PPM1L: variants seen among roughly 807,000 people sequenced by gnomAD.
The protein encoded by PPM1L is protein phosphatase, Mg2+/Mn2+ dependent 1L.
A neutral mutation model predicts 31.4 loss-of-function variants in PPM1L; 13 were observed. That is an observed-to-expected ratio of 0.41 (90% confidence interval 0.27 to 0.66). The LOEUF (loss-of-function observed/expected upper bound fraction) is 0.66. PPM1L is among the 30% of genes least tolerant of loss of function. The probability of loss-of-function intolerance (pLI) is 0.29; values close to 1 mark genes in which losing one functional copy is unlikely to be tolerated. For missense variants in PPM1L, 326 were observed against 453.7 expected (o/e 0.72, Z 2.56); for synonymous variants, 184 against 175.4 (o/e 1.05, Z -0.39).
intron 1 of PPM1L, among the ~76,000 whole-genome samples, chr3:160,837,862 A>G (rs756967350): frequency 1.3e-5 from 2 of 152,170 alleles, no homozygotes; most frequent in South Asian, 2.1e-4. Context: ...ACTTGGTTTA[A>G]TGCTCTGCTG....
Position 161,072,656 on chromosome 3 carries a change from T to TTGAG in PPM1L, c.*3501_*3504dup, listed in dbSNP as rs1719965949. 6.6e-6 allele frequency: 1 copy of TTGAG among 152,224 alleles called. No individual in the cohort carries two copies. Among genetic ancestry groups the TTGAG allele is most frequent in the Admixed American group, 6.5e-5 (1 of 15,286 alleles). 9.4% of individuals were successfully genotyped at this position (152,224 alleles called of 1,614,324 possible). Reference sequence around the variant, plus strand: ...GTTTAATTTGACCACAGAAACTTTTTTGAGTAGCACCTAGTAACATTGCAA... The same window carrying TTGAG: ...GTTTAATTTGACCACAGAAACTTTTTTGAGTGAGTAGCACCTAGTAACATTGCAA... On this transcript the variant is annotated 3_prime_UTR_variant, in exon 4 of 4. Transcript: ENST00000498165.
chr3:160,920,034 T>A (rs1714333740), intron 1 of PPM1L, among the ~76,000 whole-genome samples: 1 of 152,110 alleles, frequency 6.6e-6, no homozygotes, highest in Non-Finnish European at 1.5e-5. Flanking sequence ...CATGGGCAGA[T>A]GTCTGGTCCT....
intron 2 of PPM1L, among the ~76,000 whole-genome samples, chr3:161,029,959 T>C (rs1405456782): frequency 6.6e-6 from 1 of 152,104 alleles, no homozygotes; most frequent in East Asian, 1.9e-4. Flanking sequence ...TCAGCAACCA[T>C]GAAGAAAAGA....
At chr3:160,902,809 T>G (rs372080983) in intron 1 of PPM1L, among the ~76,000 whole-genome samples, 4 of 152,274 alleles carry the variant, frequency 2.6e-5, no homozygotes, top group African/African-American at 9.6e-5. Context: ...GTTGTGGACA[T>G]GCCTTTCTAC....
intron 1 of PPM1L, among the ~76,000 whole-genome samples, chr3:160,905,186 C>T (rs1020392574): frequency 4.6e-5 from 7 of 152,068 alleles, no homozygotes; most frequent in Admixed American, 1.3e-4. Flanking sequence ...CTTTATTATA[C>T]GAAATTTATT....
chr3:161,013,214 G>A (rs1364872448), intron 2 of PPM1L, among the ~76,000 whole-genome samples: 3 of 152,114 alleles, frequency 2.0e-5, no homozygotes, highest in African/African-American at 4.8e-5. Flanking sequence ...AGAGATTCTG[G>A]TATGTTGTGT....
intron 1 of PPM1L, among the ~76,000 whole-genome samples, chr3:160,757,764 C>T (rs1714853360): frequency 6.6e-6 from 1 of 152,222 alleles, no homozygotes; most frequent in African/African-American, 2.4e-5. Context: ...TTCTTAACCC[C>T]TTCCTGTTTT....
chr3:160,827,831 ACAGTTC>A lies in PPM1L; in HGVS notation c.399+71125_399+71130del, dbSNP rs554986683. ...ATAAAGAAAGAGGTTTAATTGGCTTACAGTTCTACAGGCTGTATAAGCATGGCACTG... is the reference window on the plus strand; with the variant it reads ...ATAAAGAAAGAGGTTTAATTGGCTTATACAGGCTGTATAAGCATGGCACTG... On this transcript the variant is annotated intron_variant, in intron 1 of 3. Transcript: ENST00000498165. 3.4e-3 allele frequency among the ~76,000 whole-genome samples: 519 copies of A among 152,226 alleles called. 4 individuals carry two copies. The highest frequency in any genetic ancestry group is 0.012 in the African/African-American group (495 of 41,534).
intron 2 of PPM1L, among the ~76,000 whole-genome samples, chr3:161,032,548 C>T (rs1331034230): frequency 6.6e-6 from 1 of 152,094 alleles, no homozygotes; most frequent in African/African-American, 2.4e-5. Flanking sequence ...TCAACTAACA[C>T]CTAGGATCCT....
At chr3:160,832,368 G>A (rs1713546166) in intron 1 of PPM1L, among the ~76,000 whole-genome samples, 1 of 146,526 alleles carries the variant, frequency 6.8e-6, no homozygotes, top group Non-Finnish European at 1.5e-5. Flanking sequence ...GATTCTAGGT[G>A]GAGGTGATAG....
chr3:161,070,039 T>A lies in PPM1L; in HGVS notation c.*882T>A, dbSNP rs1291004461. On this transcript the variant is annotated 3_prime_UTR_variant, in exon 4 of 4. Transcript: ENST00000498165. Reference sequence around the variant, plus strand: ...GATTCCTTCCATTTTCAACAGTAGATGAAGGAAATGATACTGAATGAGTCA... The same window carrying A: ...GATTCCTTCCATTTTCAACAGTAGAAGAAGGAAATGATACTGAATGAGTCA... The A allele has an allele frequency of 6.6e-6, 1 of 152,094 alleles. No homozygotes were observed. Among genetic ancestry groups the A allele is most frequent in the African/African-American group, 2.4e-5 (1 of 41,412 alleles). The allele number at this position is 152,094 out of a possible 1,614,324, so 9.4% of individuals were successfully genotyped here. A position where few individuals can be genotyped will look rare whatever the true frequency, so the allele number is the denominator to read the frequency against.
chr3:160,801,674 G>A (rs1426700772), intron 1 of PPM1L, among the ~76,000 whole-genome samples: 1 of 152,136 alleles, frequency 6.6e-6, no homozygotes, highest in Non-Finnish European at 1.5e-5. Context: ...TTACTCAGGG[G>A]ACTTCTGCAG....
chr3:160,809,907 T>G (rs80020832), intron 1 of PPM1L, among the ~76,000 whole-genome samples: 13,942 of 152,134 alleles, frequency 0.092, 977 homozygotes, highest in African/African-American at 0.19. Flanking sequence ...CTTCTAATCT[T>G]AGGTATGTTT....
At chr3:160,797,954 C>T (rs7618596) in intron 1 of PPM1L, among the ~76,000 whole-genome samples, 16,296 of 152,136 alleles carry the variant, frequency 0.11, 1,430 homozygotes, top group African/African-American at 0.24. Context: ...CCAAGGCGGG[C>T]GGATCATGAG....
rs1560120527 is a variant in PPM1L, at chr3:160,835,064, C to CTTCTTCTTCTTCTTCTTCTTCTTCTTT, written c.399+78380_399+78381insCTTTTTCTTCTTCTTCTTCTTCTTCTT. ...ACTTCTTCTTCTTCTTCTTCTTCTT[C>CTTCTTCTTCTTCTTCTTCTTCTTCTTT]TTCTTCTTCTTCTTCTTCTTCTTTC... On this transcript the variant is annotated intron_variant, in intron 1 of 3. Coordinates refer to ENST00000498165, the MANE Select transcript of PPM1L (RefSeq NM_139245.4). Among the ~76,000 whole-genome samples, 234 of 146,758 alleles carry CTTCTTCTTCTTCTTCTTCTTCTTCTTT rather than the reference C, an allele frequency of 1.6e-3. 3 individuals carry two copies. The highest frequency in any genetic ancestry group is 6.0e-3 in the African/African-American group (228 of 37,918).
At chr3:160,940,457 G>A (rs972753487) in intron 1 of PPM1L, among the ~76,000 whole-genome samples, 2 of 152,250 alleles carry the variant, frequency 1.3e-5, no homozygotes, top group East Asian at 1.9e-4. Flanking sequence ...AAGTGGTTTT[G>A]TGGGCTGGGC....
At chr3:160,837,700 A>G (rs1249605156) in intron 1 of PPM1L, among the ~76,000 whole-genome samples, 2 of 152,190 alleles carry the variant, frequency 1.3e-5, no homozygotes, top group African/African-American at 4.8e-5. Context: ...TTAGATTGCC[A>G]AGCCTCGGGT....
intron 1 of PPM1L, among the ~76,000 whole-genome samples, chr3:160,896,979 T>TA (rs1713353954): frequency 6.6e-6 from 1 of 152,116 alleles, no homozygotes; most frequent in African/African-American, 2.4e-5. Flanking sequence ...TAACACCTCT[T>TA]ACAGCTATAG....
intron 2 of PPM1L, among the ~76,000 whole-genome samples, chr3:160,985,290 C>T (rs939055693): frequency 6.6e-6 from 1 of 152,102 alleles, no homozygotes; most frequent in Non-Finnish European, 1.5e-5. Flanking sequence ...GTGTATTCTC[C>T]CCCAATGACT....
Sources: allele counts gnomAD v4.1 joint callset (sites outside exome capture counted in the v4.1 genomes callset), GRCh38; gene constraint gnomAD v4.1.1; transcripts MANE v1.5; gene names NCBI Gene and HGNC (gene_info 2026-07-23, HGNC 2026-07-21).